CHN2: variants seen among roughly 807,000 people sequenced by gnomAD.
The protein encoded by CHN2 is chimerin 2.
Under a neutral mutation model 56.3 loss-of-function variants are expected in CHN2, and 35 were observed. The ratio of observed to expected loss-of-function variants is 0.62; its 90% CI spans 0.47 to 0.82. The LOEUF (loss-of-function observed/expected upper bound fraction) is 0.82, where lower values mean the gene tolerates loss of function less well. CHN2 is among the 40% of genes least tolerant of loss of function. The probability of loss-of-function intolerance (pLI) is 0.00; values close to 1 mark genes in which losing one functional copy is unlikely to be tolerated. For synonymous variants in CHN2, 210 were observed against 212.8 expected, an observed-to-expected ratio of 0.99 and a Z score of 0.12; for missense variants, 491 against 580.5, an observed-to-expected ratio of 0.85 and a Z score of 1.58.
intron 1 of CHN2, among the ~76,000 whole-genome samples, chr7:29,312,582 T>G (rs1193525389): frequency 6.6e-6 from 1 of 152,150 alleles, no homozygotes; most frequent in Non-Finnish European, 1.5e-5. Flanking sequence ...CAGCAGAGAT[T>G]CAAAAGGATT....
chr7:29,353,240 A>ATACTT (rs1421838246), intron 1 of CHN2, among the ~76,000 whole-genome samples: 1 of 152,246 alleles, frequency 6.6e-6, no homozygotes, highest in African/African-American at 2.4e-5. Flanking sequence ...TTTAAGCTGC[A>ATACTT]CAAGTGAGTA....
intron 1 of CHN2, among the ~76,000 whole-genome samples, chr7:29,282,566 C>G (rs556617893): frequency 6.6e-6 from 1 of 152,068 alleles, no homozygotes; most frequent in African/African-American, 2.4e-5. Flanking sequence ...TTTAACTGTA[C>G]TGGTGGATTT....
At chr7:29,345,031 TG>T (rs1435548623) in intron 1 of CHN2, among the ~76,000 whole-genome samples, 1 of 152,194 alleles carries the variant, frequency 6.6e-6, no homozygotes, top group Non-Finnish European at 1.5e-5. Context: ...CCACTTCAGT[TG>T]TGCCATTTGT....
chr7:29,224,361 A>T (rs2128794934), intron 1 of CHN2, among the ~76,000 whole-genome samples: 1 of 152,380 alleles, frequency 6.6e-6, no homozygotes, highest in South Asian at 2.1e-4. Context: ...GTTAAATTTT[A>T]GTTAAGTTAT....
chr7:29,249,830 A>C (rs1453250361), intron 1 of CHN2, among the ~76,000 whole-genome samples: 1 of 152,264 alleles, frequency 6.6e-6, no homozygotes, highest in Admixed American at 6.5e-5. Flanking sequence ...AAAAATAGGA[A>C]AGACTTTTCA....
intron 1 of CHN2, among the ~76,000 whole-genome samples, chr7:29,265,744 G>T (rs1790088736): frequency 6.6e-6 from 1 of 152,200 alleles, no homozygotes; most frequent in South Asian, 2.1e-4. Flanking sequence ...GGCCTGGTTG[G>T]TGAGTGACAG....
chr7:29,212,417 A>G, intron 1 of CHN2: 1 of 1,607,586 alleles, frequency 6.2e-7, no homozygotes, highest in South Asian at 1.1e-5. Context: ...CATCCTTGCA[A>G]ATGTCTTCTG....
chr7:29,419,579 A>T (rs78780105), intron 6 of CHN2, among the ~76,000 whole-genome samples: 2,292 of 152,324 alleles, frequency 0.015, 18 homozygotes, highest in Middle Eastern at 0.027. Context: ...TGCAAATCAT[A>T]TATCTAATAA....
At chr7:29,501,290 T>C (rs897903084) in intron 9 of CHN2, among the ~76,000 whole-genome samples, 3 of 152,218 alleles carry the variant, frequency 2.0e-5, no homozygotes, top group African/African-American at 7.2e-5. Context: ...TTTTCACCAC[T>C]GTGGCTGACA....
rs190653694 is a variant in CHN2, at chr7:29,234,024, G to A, written c.49+39034G>A. On this transcript the variant is annotated intron_variant, in intron 1 of 12. Coordinates refer to ENST00000222792, the MANE Select transcript of CHN2 (RefSeq NM_004067.4). ...AATTTTTTGTATTTTTAGTAGAGAC[G>A]GGGTTTCACCGTTTTAGCCGGGATG... 9.2e-3 allele frequency among the ~76,000 whole-genome samples: 1,374 copies of A among 149,744 alleles called. 27 individuals carry two copies. Among genetic ancestry groups the A allele is most frequent in the African/African-American group, 0.032 (1,312 of 40,568 alleles).
At chr7:29,229,741 T>C (rs1261398704) in intron 1 of CHN2, among the ~76,000 whole-genome samples, 1 of 152,062 alleles carries the variant, frequency 6.6e-6, no homozygotes, top group Admixed American at 6.6e-5. Context: ...TTAACTCTTC[T>C]AGAGGGCGGG....
chr7:29,499,985 C>G lies in CHN2; in HGVS notation c.858C>G (p.His286Gln). 1 of 1,604,388 alleles carries G rather than the reference C, an allele frequency of 6.2e-7. No individual in the cohort carries two copies. ...CCDLTTLVKA[H>Q]NTQRPMVVDI... ...ACCTCACAACACTTGTGAAGGCTCA[C>G]AACACTCAGAGACCCATGGTGGTAG... Residue 286 changes from histidine (H) to glutamine (Q), a missense_variant, in exon 9 of 13, where the codon CAC becomes CAG. His to Gln is a conservative substitution (Grantham distance 24). Coordinates refer to ENST00000222792, the MANE Select transcript of CHN2 (RefSeq NM_004067.4).
At chr7:29,324,735 C>T (rs1255908726) in intron 1 of CHN2, among the ~76,000 whole-genome samples, 1 of 152,030 alleles carries the variant, frequency 6.6e-6, no homozygotes, top group South Asian at 2.1e-4. Flanking sequence ...TTAACCACCC[C>T]CTGCAGGTGG....
intron 1 of CHN2, among the ~76,000 whole-genome samples, chr7:29,293,371 C>G (rs866542632): frequency 0.013 from 1,551 of 122,206 alleles, 139 homozygotes; most frequent in African/African-American, 0.042. Context: ...TGCCCCCCCC[C>G]CCCCCCATAT....
chr7:29,233,923 T>C (rs1786948794), intron 1 of CHN2, among the ~76,000 whole-genome samples: 1 of 127,482 alleles, frequency 7.8e-6, no homozygotes, highest in South Asian at 2.8e-4. Context: ...AAGCTCCGCC[T>C]CCCGGGTTCA....
chr7:29,355,198 C>T (rs1485883698), intron 2 of CHN2, among the ~76,000 whole-genome samples: 1 of 151,836 alleles, frequency 6.6e-6, no homozygotes, highest in African/African-American at 2.4e-5. Flanking sequence ...CTCGAACTCC[C>T]GACCTCAGAT....
intron 1 of CHN2, among the ~76,000 whole-genome samples, chr7:29,338,960 T>C (rs190037309): frequency 6.8e-6 from 1 of 146,748 alleles, no homozygotes; most frequent in Non-Finnish European, 1.5e-5. Flanking sequence ...GGCTAAGATA[T>C]CTACATGATA....
At chr7:29,325,491 C>T (rs1412432842) in intron 1 of CHN2, among the ~76,000 whole-genome samples, 16 of 152,210 alleles carry the variant, frequency 1.1e-4, no homozygotes. Context: ...TGAAAGGCAG[C>T]CAATTGTCTC....
chr7:29,394,663 A>G (rs1252558657), intron 4 of CHN2, among the ~76,000 whole-genome samples: 2 of 152,150 alleles, frequency 1.3e-5, no homozygotes, highest in African/African-American at 4.8e-5. Flanking sequence ...TCTCTACCCC[A>G]TGCCCCTACT....
Sources: gnomAD v4.1 joint callset for allele counts (sites outside exome capture counted in the v4.1 genomes callset) on GRCh38, gnomAD v4.1.1 for gene constraint, MANE v1.5 for transcripts, NCBI Gene and HGNC (gene_info 2026-07-23, HGNC 2026-07-21) for gene names.